The following DNAAF9 variants were observed in gnomAD, a reference collection of about 807,000 sequenced individuals.
The protein encoded by DNAAF9 is dynein axonemal assembly factor 9, also known as shulin.
DNAAF9 carries 90 observed loss-of-function variants against 167.0 expected under a neutral mutation model. The observed-to-expected ratio is 0.54, with a 90% CI of 0.45 to 0.64. The LOEUF is 0.64. Among genes scored for constraint, DNAAF9 ranks in the 30% least tolerant of loss-of-function variants. The probability of loss-of-function intolerance (pLI) is 0.00; values close to 1 mark genes in which losing one functional copy is unlikely to be tolerated. For missense variants in DNAAF9, 1,315 were observed against 1,442.2 expected, an observed-to-expected ratio of 0.91 and a Z score of 1.43; for synonymous variants, 491 against 508.8, an observed-to-expected ratio of 0.96 and a Z score of 0.47.
At chr20:3,329,925 A>C (rs767474177) in intron 12 of DNAAF9, among the ~76,000 whole-genome samples, 1 of 152,230 alleles carries the variant, frequency 6.6e-6, no homozygotes, top group Non-Finnish European at 1.5e-5. Flanking sequence ...GCCAGTGTTC[A>C]CACCCTCTCA....
chr20:3,390,514 G>C (rs934998292), intron 1 of DNAAF9, among the ~76,000 whole-genome samples: 1 of 152,002 alleles, frequency 6.6e-6, no homozygotes, highest in South Asian at 2.1e-4. Context: ...ACAGGCGTGT[G>C]CCACCATGCC....
intron 33 of DNAAF9, 41 bp downstream of exon 33, chr20:3,259,439 A>T: frequency 8.2e-7 from 1 of 1,213,938 alleles, no homozygotes; most frequent in Non-Finnish European, 1.2e-6. Flanking sequence ...AGATGCAAGC[A>T]CTCCATGGTG....
At chr20:3,401,802 T>C (rs771138826) in intron 1 of DNAAF9, among the ~76,000 whole-genome samples, 3 of 152,024 alleles carry the variant, frequency 2.0e-5, no homozygotes, top group African/African-American at 4.8e-5. Flanking sequence ...CTCTTGACAA[T>C]AAAGAAATCC....
chr20:3,255,265 A>C lies in DNAAF9; in HGVS notation c.3281T>G (p.Leu1094Arg). The C allele has an allele frequency of 6.4e-7, 1 of 1,550,888 alleles. No individual in the cohort carries two copies. The highest frequency in any genetic ancestry group is 8.7e-7 in the Non-Finnish European group (1 of 1,146,358). The change falls in exon 35 of 37, where the codon CTG becomes CGG. Residue 1094 changes from leucine (L) to arginine (R), a missense_variant. This residue lies in a region of DNAAF9 where 334 missense variants were observed against 429.7 expected (regional missense o/e 0.78). Transcript: ENST00000252032. ...SAKQKPQRKA[L>R]KTRGMLTQQE... is the part of the protein sequence containing the mutation. ...TTGCGTCAGCATCCCCCTGGTCTTC[A>C]GGGCTTTCCTCTGAGGCTTCTGCAG... is the stretch of plus-strand genomic sequence containing the variant.
intron 26 of DNAAF9, among the ~76,000 whole-genome samples, chr20:3,288,000 C>G (rs1448367715): frequency 2.6e-5 from 4 of 152,180 alleles, no homozygotes; most frequent in Non-Finnish European, 2.9e-5. Context: ...GTCACTGGGG[C>G]TTTTGATAGG....
intron 20 of DNAAF9, among the ~76,000 whole-genome samples, chr20:3,312,617 C>T (rs1004939584): frequency 6.6e-5 from 10 of 152,074 alleles, no homozygotes; most frequent in African/African-American, 2.4e-4. Context: ...TTTATAAAGA[C>T]AAAGACACTA....
intron 6 of DNAAF9, among the ~76,000 whole-genome samples, chr20:3,370,943 G>A (rs1021887092): frequency 6.6e-6 from 1 of 152,154 alleles, no homozygotes; most frequent in African/African-American, 2.4e-5. Flanking sequence ...GAGGGGAGAG[G>A]AGAGCGGTAG....
intron 3 of DNAAF9, among the ~76,000 whole-genome samples, chr20:3,380,491 G>T (rs2083633797): frequency 1.3e-5 from 2 of 152,138 alleles, no homozygotes; most frequent in African/African-American, 4.8e-5. Flanking sequence ...GTGCATTGTA[G>T]ATGTTTAGCA....
Position 3,322,217 on chromosome 20 carries a change from C to T in DNAAF9, c.1356G>A (p.Thr452=), listed in dbSNP as rs754574484. The change falls in exon 16 of 37, where the codon ACG becomes ACA. Residue 452 remains threonine, a splice_region_variant and synonymous_variant. Coordinates refer to ENST00000252032, the MANE Select transcript of DNAAF9 (RefSeq NM_001009984.3). Reference sequence around the variant, plus strand: ...GCTGACCCATGATAGCTCTGCTTACCGTCTTCACAAAGGATAAGCTATCTT... The same window carrying T: ...GCTGACCCATGATAGCTCTGCTTACTGTCTTCACAAAGGATAAGCTATCTT... ...DSEDSLSFVK[T]ACMAVYDIPD... is the part of the protein sequence containing the mutation. 21 of 1,607,596 alleles carry T rather than the reference C, an allele frequency of 1.3e-5. No individual in the cohort carries two copies. The highest frequency in any genetic ancestry group is 1.7e-5 in the Non-Finnish European group (20 of 1,175,596).
At chr20:3,352,072 T>A (rs1423633751) in intron 7 of DNAAF9, among the ~76,000 whole-genome samples, 3 of 152,182 alleles carry the variant, frequency 2.0e-5, no homozygotes, top group African/African-American at 7.2e-5. Context: ...TATGTTATTT[T>A]AATAATGAAA....
chr20:3,285,902 C>T (rs6051715), intron 27 of DNAAF9, among the ~76,000 whole-genome samples: 30,982 of 150,986 alleles, frequency 0.21, 3,461 homozygotes, highest in African/African-American at 0.28. Context: ...ATTGCTTGAA[C>T]TCGGGAGGTG....
chr20:3,324,218 A>C (rs967231954), intron 14 of DNAAF9, among the ~76,000 whole-genome samples: 2 of 152,216 alleles, frequency 1.3e-5, no homozygotes, highest in African/African-American at 4.8e-5. Flanking sequence ...ACAGGACTAT[A>C]GATTTAAGAA....
chr20:3,401,747 CCT>C (rs777130120), intron 1 of DNAAF9, among the ~76,000 whole-genome samples: 1 of 152,156 alleles, frequency 6.6e-6, no homozygotes. Flanking sequence ...GTCCCAGCCC[CCT>C]GATACTTTCC....
intron 31 of DNAAF9, among the ~76,000 whole-genome samples, chr20:3,261,879 G>A (rs2068396404): frequency 6.6e-6 from 1 of 151,904 alleles, no homozygotes; most frequent in Non-Finnish European, 1.5e-5. Context: ...ATTTGCAGGG[G>A]CTAAGGGAAG....
chr20:3,391,578 C>CTTTTT (rs34396355), intron 1 of DNAAF9, among the ~76,000 whole-genome samples: 41 of 120,908 alleles, frequency 3.4e-4, no homozygotes, highest in Non-Finnish European at 4.6e-4. Flanking sequence ...TTTTTTCCTT[C>CTTTTT]TTTTTTTTTT....
intron 1 of DNAAF9, among the ~76,000 whole-genome samples, chr20:3,390,722 A>C (rs1179254721): frequency 6.6e-6 from 1 of 152,184 alleles, no homozygotes; most frequent in Non-Finnish European, 1.5e-5. Context: ...GGGTGAGAGG[A>C]AAGAAAGTCT....
In DNAAF9 at chr20:3,260,042, A is replaced by C. The variant is rs751033843; in HGVS notation, c.2874-14T>G. Reference sequence around the variant, plus strand: ...TTACCTTCATACCTTAAAAGGTTTAAAAAATTTTAAGTACAGGCCGGGCGC... The same window carrying C: ...TTACCTTCATACCTTAAAAGGTTTACAAAATTTTAAGTACAGGCCGGGCGC... On this transcript the variant is annotated splice_polypyrimidine_tract_variant and intron_variant, in intron 31 of 36. Coordinates refer to ENST00000252032, the MANE Select transcript of DNAAF9 (RefSeq NM_001009984.3). 46 of 1,532,164 alleles carry C rather than the reference A, an allele frequency of 3.0e-5. No homozygotes were observed. Among genetic ancestry groups the C allele is most frequent in the Non-Finnish European group, 3.9e-5 (43 of 1,105,434 alleles). The allele number at this position is 1,532,164 out of a possible 1,614,324, so 94.9% of individuals were successfully genotyped here.
intron 1 of DNAAF9, among the ~76,000 whole-genome samples, chr20:3,390,166 T>G (rs2083806749): frequency 6.6e-6 from 1 of 152,222 alleles, no homozygotes; most frequent in Admixed American, 6.5e-5. Context: ...ATCATGGTTA[T>G]GTAGTAGGAT....
At position 3,403,900 on chromosome 20, in the gene DNAAF9, C is replaced by T. The variant is rs116611520; in HGVS notation, c.83+3575G>A. 9.0e-3 allele frequency among the ~76,000 whole-genome samples: 1,371 copies of T among 152,252 alleles called. 20 individuals carry two copies. Among genetic ancestry groups the T allele is most frequent in the African/African-American group, 0.032 (1,316 of 41,548 alleles). Reference sequence around the variant, plus strand: ...AATTCCTGGACTCAAGGGATCCTCCCACCTCAGCCTTCCGAGTAGCTGACC... The same window carrying T: ...AATTCCTGGACTCAAGGGATCCTCCTACCTCAGCCTTCCGAGTAGCTGACC... On this transcript the variant is annotated intron_variant, in intron 1 of 36. Transcript: ENST00000252032.
Sources: gnomAD v4.1 joint callset for allele counts (sites outside exome capture counted in the v4.1 genomes callset) on GRCh38, gnomAD v4.1.1 for gene constraint, gnomAD v4.1.1 regional missense constraint, MANE v1.5 for transcripts, NCBI Gene and HGNC (gene_info 2026-07-23, HGNC 2026-07-21) for gene names.